UHRF1: variants seen among roughly 807,000 people sequenced by gnomAD.
The protein encoded by UHRF1 is E3 ubiquitin-protein ligase UHRF1.
In UHRF1, 9 loss-of-function variants were observed where a neutral mutation model predicts 96.5. The ratio of observed to expected loss-of-function variants is 0.09; its 90% CI spans 0.06 to 0.16. The LOEUF is 0.16. UHRF1 is among the 10% of genes least tolerant of loss of function. The pLI is 1.00. For synonymous variants in UHRF1, 455 were observed against 469.9 expected (o/e 0.97, Z 0.41); for missense variants, 626 against 1,131.1 (o/e 0.55, Z 6.40).
At chr19:4,912,625 C>T (rs2032327657) in intron 2 of UHRF1, among the ~76,000 whole-genome samples, 1 of 152,192 alleles carries the variant, frequency 6.6e-6, no homozygotes, top group African/African-American at 2.4e-5. Context: ...GTCTTTCTCT[C>T]TGCCCGCCAA....
intron 5 of UHRF1, among the ~76,000 whole-genome samples, chr19:4,939,560 A>G (rs183601587): frequency 1.3e-5 from 2 of 152,008 alleles, no homozygotes; most frequent in Non-Finnish European, 2.9e-5. Context: ...AGGAGTTCCA[A>G]ATGGCTCTAT....
At chr19:4,931,454 T>C (rs2033050177) in intron 4 of UHRF1, among the ~76,000 whole-genome samples, 2 of 151,918 alleles carry the variant, frequency 1.3e-5, no homozygotes, top group Admixed American at 1.3e-4. Flanking sequence ...TGTTTGTATT[T>C]TTATTTTATT....
At chr19:4,927,050 G>T (rs1324348720) in intron 2 of UHRF1, among the ~76,000 whole-genome samples, 3 of 151,898 alleles carry the variant, frequency 2.0e-5, no homozygotes, top group Admixed American at 2.0e-4. Context: ...GACAGAGCAA[G>T]ATTCCGCCTC....
chr19:4,928,547 C>G (rs868698678), intron 2 of UHRF1, among the ~76,000 whole-genome samples: 1 of 152,206 alleles, frequency 6.6e-6, no homozygotes, highest in African/African-American at 2.4e-5. Flanking sequence ...TAAAAGCGCA[C>G]AAAGGGCGGG....
At chr19:4,944,806 C>T (rs985424679) in intron 9 of UHRF1, among the ~76,000 whole-genome samples, 70 of 152,116 alleles carry the variant, frequency 4.6e-4, no homozygotes, top group African/African-American at 1.6e-3. Context: ...CAGTGCTGGG[C>T]GCTGTCAGCT....
chr19:4,946,899 G>T (rs894988859), intron 10 of UHRF1, among the ~76,000 whole-genome samples: 3 of 151,934 alleles, frequency 2.0e-5, no homozygotes, highest in Non-Finnish European at 4.4e-5. Context: ...TCTTGAGGAC[G>T]CACCACACTG....
In UHRF1 at chr19:4,929,440, G is replaced by C. The variant is rs2032979350; in HGVS notation, c.372G>C (p.Glu124Asp). 3 of 1,613,788 alleles carry C rather than the reference G, an allele frequency of 1.9e-6. No individual in the cohort carries two copies. Among genetic ancestry groups the C allele is most frequent in the Non-Finnish European group, 2.5e-6 (3 of 1,179,894 alleles). The change falls in exon 3 of 17, where the codon GAG becomes GAC. Residue 124 changes from glutamate (E) to aspartate (D), a missense_variant. Physicochemically the swap from Glu to Asp is conservative, Grantham distance 45. Transcript: ENST00000650932. ...AGACTGACAGCAGGCCAGCCGATGA[G>C]GACATGTGGGATGAGACGGAATTGG... Reference protein sequence around the residue: ...AAETDSRPADEDMWDETELGL... With the variant: ...AAETDSRPADDDMWDETELGL...
chr19:4,937,045 T>G (rs920129835), intron 5 of UHRF1, among the ~76,000 whole-genome samples: 1 of 152,060 alleles, frequency 6.6e-6, no homozygotes, highest in African/African-American at 2.4e-5. Flanking sequence ...AATTTTTTTT[T>G]TTGTTGGAGA....
At chr19:4,960,609 A>G (rs768002740) in intron 16 of UHRF1, 48 bp from the exon 17 acceptor site, 1 of 1,599,382 alleles carries the variant, frequency 6.3e-7, no homozygotes, top group Non-Finnish European at 8.5e-7. Context: ...CCAGGAGCAA[A>G]CCTGATGGTG....
Position 4,945,977 on chromosome 19 carries a change from T to TGTGG in UHRF1, c.1410+14_1410+17dup. The TGTGG allele has an allele frequency of 2.1e-6, 2 of 936,404 alleles. No individual in the cohort carries two copies. The highest frequency in any genetic ancestry group is 3.1e-6 in the Non-Finnish European group (2 of 641,392). 58.0% of individuals were successfully genotyped at this position (936,404 alleles called of 1,614,324 possible). A position where few individuals can be genotyped will look rare whatever the true frequency, so the allele number is the denominator to read the frequency against. On this transcript the variant is annotated intron_variant, in intron 10 of 16. Coordinates refer to ENST00000650932, the MANE Select transcript of UHRF1 (RefSeq NM_001048201.3). Reference sequence around the variant, plus strand: ...ATGAGGATGATGTGGTGAGTGTGTGTGTGGGAGGGGTGGGGGAGGGTTGCT... The same window carrying TGTGG: ...ATGAGGATGATGTGGTGAGTGTGTGTGTGGGTGGGAGGGGTGGGGGAGGGTTGCT...
At chr19:4,928,467 A>G (rs988774468) in intron 2 of UHRF1, among the ~76,000 whole-genome samples, 1 of 152,138 alleles carries the variant, frequency 6.6e-6, no homozygotes, top group Non-Finnish European at 1.5e-5. Context: ...TCCTCCTTGC[A>G]TACCTGCTGA....
intron 2 of UHRF1, among the ~76,000 whole-genome samples, chr19:4,924,752 G>C (rs949816771): frequency 6.6e-6 from 1 of 151,706 alleles, no homozygotes; most frequent in Non-Finnish European, 1.5e-5. Flanking sequence ...TTGATGGCCC[G>C]ATGGCCCTCT....
upstream of UHRF1, among the ~76,000 whole-genome samples, chr19:4,906,282 C>G (rs2032062839): frequency 6.6e-6 from 1 of 152,162 alleles, no homozygotes; most frequent in Non-Finnish European, 1.5e-5. Flanking sequence ...CCCAGCTGGA[C>G]AATTAACCTG....
At chr19:4,933,601 C>A (rs529330334) in intron 5 of UHRF1, among the ~76,000 whole-genome samples, 14 of 152,280 alleles carry the variant, frequency 9.2e-5, no homozygotes, top group African/African-American at 2.4e-4. Flanking sequence ...CCCAAGACCA[C>A]ACATGAAGGT....
At chr19:4,928,379 T>C (rs756695396) in intron 2 of UHRF1, among the ~76,000 whole-genome samples, 7 of 151,198 alleles carry the variant, frequency 4.6e-5, no homozygotes, top group African/African-American at 1.5e-4. Flanking sequence ...TTGTTGGGTG[T>C]TGGTGGAGTG....
At chr19:4,941,085 GTTTTTTTTTT>G (rs869250736) in intron 5 of UHRF1, among the ~76,000 whole-genome samples, 1 of 50,082 alleles carries the variant, frequency 2.0e-5, no homozygotes, top group Non-Finnish European at 3.4e-5. Context: ...TCTGTGTTTT[GTTTTTTTTTT>G]TTTTTTTTTT....
rs113117755 is a variant in UHRF1, at chr19:4,925,862, T to C, written c.154-3360T>C. Among the ~76,000 whole-genome samples, 585 of 147,904 alleles carry C rather than the reference T, an allele frequency of 4.0e-3. 6 individuals carry two copies. Among genetic ancestry groups the C allele is most frequent in the African/African-American group, 0.013 (531 of 39,528 alleles). ...CACATGGATGGATGGCCACATTGTG[T>C]TGATCCTCTCACCTGTTTTTTCTTT... On this transcript the variant is annotated intron_variant, in intron 2 of 16. Transcript: ENST00000650932.
chr19:4,917,992 T>C (rs1476947648), intron 2 of UHRF1, among the ~76,000 whole-genome samples: 1 of 152,108 alleles, frequency 6.6e-6, no homozygotes, highest in Non-Finnish European at 1.5e-5. Flanking sequence ...GTTACAAAAT[T>C]CCAAATGTCC....
chr19:4,947,999 G>A (rs2033618386), intron 11 of UHRF1, among the ~76,000 whole-genome samples: 2 of 151,650 alleles, frequency 1.3e-5, no homozygotes, highest in Admixed American at 6.6e-5. Flanking sequence ...AGCTAGTCAG[G>A]AGGCTGAGGC....
Sources: allele counts gnomAD v4.1 joint callset (sites outside exome capture counted in the v4.1 genomes callset), GRCh38; gene constraint gnomAD v4.1.1; transcripts MANE v1.5; gene names NCBI Gene and HGNC (gene_info 2026-07-23, HGNC 2026-07-21).